Variants in PDE10A observed in about 807,000 individuals in gnomAD.
PDE10A encodes the protein cAMP and cAMP-inhibited cGMP 3',5'-cyclic phosphodiesterase 10A.
A neutral mutation model predicts 97.7 loss-of-function variants in PDE10A; 39 were observed. The ratio of observed to expected loss-of-function variants is 0.40; its 90% CI spans 0.31 to 0.52. PDE10A has a LOEUF of 0.52. Ranked by LOEUF, PDE10A falls within the 20% of genes least tolerant of loss-of-function variation. The pLI, the probability that PDE10A is intolerant of heterozygous loss-of-function variation, is 0.56. For synonymous variants in PDE10A, 371 were observed against 376.8 expected (o/e 0.98, Z 0.18); for missense variants, 731 against 1,047.8 (o/e 0.70, Z 4.17).
intron 1 of PDE10A, among the ~76,000 whole-genome samples, chr6:165,773,911 CAT>C (rs1483251134): frequency 2.0e-5 from 3 of 152,016 alleles, no homozygotes; most frequent in Non-Finnish European, 4.4e-5. Flanking sequence ...TTACAACTAT[CAT>C]ATGATTCAAA....
chr6:165,697,477 T>A (rs1191793946), intron 1 of PDE10A, among the ~76,000 whole-genome samples: 1 of 152,212 alleles, frequency 6.6e-6, no homozygotes, highest in Non-Finnish European at 1.5e-5. Flanking sequence ...CTGACCTGTC[T>A]TATGAAAAAT....
rs548596293 is a variant in PDE10A at position 165,655,201 on chromosome 6, G to A, written c.865+6746C>T. ...AATGTCACTGAGGCATCTATATACT[G>A]TCCTTGGGGCATCCAATCCCATGAT... On this transcript the variant is annotated intron_variant, in intron 1 of 21. Coordinates refer to ENST00000539869, the MANE Select transcript of PDE10A (RefSeq NM_001385079.1). This position sits in a 1 kb window ranked among gnomAD's most constrained non-coding sequence, Gnocchi z 4.5. Among the ~76,000 whole-genome samples the A allele has an allele frequency of 0.35, 187 of 534 alleles. No homozygotes were observed. The highest frequency in any genetic ancestry group is 0.47 in the African/African-American group (180 of 386). 0.4% of individuals were successfully genotyped at this position (534 alleles called of 152,430 possible).
chr6:165,619,499 C>CTAGTG (rs1266478217), intron 1 of PDE10A, among the ~76,000 whole-genome samples: 2 of 17,018 alleles, frequency 1.2e-4, no homozygotes, highest in African/African-American at 4.0e-4. Flanking sequence ...CTAGTGTAGT[C>CTAGTG]TAGTGTAGTG....
At chr6:165,696,181 C>T (rs1392498329) in intron 1 of PDE10A, among the ~76,000 whole-genome samples, 1 of 152,166 alleles carries the variant, frequency 6.6e-6, no homozygotes, top group Non-Finnish European at 1.5e-5. Context: ...CAATAAGAAG[C>T]CCCGGGGAGA....
intron 1 of PDE10A, among the ~76,000 whole-genome samples, chr6:165,636,732 G>C (rs1392579764): frequency 6.6e-6 from 1 of 152,242 alleles, no homozygotes; most frequent in Non-Finnish European, 1.5e-5. Context: ...CATTTGTGAA[G>C]TACTAATTGG....
intron 1 of PDE10A, among the ~76,000 whole-genome samples, chr6:165,559,142 T>C (rs2128336292): frequency 6.6e-6 from 1 of 152,310 alleles, no homozygotes; most frequent in Non-Finnish European, 1.5e-5. Flanking sequence ...GCAGTTATGC[T>C]AGAACATGAT....
intron 1 of PDE10A, among the ~76,000 whole-genome samples, chr6:165,723,621 A>G (rs915066885): frequency 2.0e-5 from 3 of 152,198 alleles, no homozygotes; most frequent in South Asian, 2.1e-4. Context: ...GTTTTGCCAT[A>G]GCTGCTACCA....
At chr6:165,663,539 G>A (rs1321540238), upstream of PDE10A, among the ~76,000 whole-genome samples, 2 of 152,236 alleles carry the variant, frequency 1.3e-5, no homozygotes, top group Non-Finnish European at 2.9e-5. Flanking sequence ...AATCCTCCTG[G>A]TAGCGGGCCA....
intron 1 of PDE10A, among the ~76,000 whole-genome samples, chr6:165,982,564 T>A (rs1785052636): frequency 6.6e-6 from 1 of 152,158 alleles, no homozygotes; most frequent in Non-Finnish European, 1.5e-5. Context: ...CTAACTACAG[T>A]GTAACTGGAA....
chr6:165,928,398 C>T (rs1783013183), intron 1 of PDE10A, among the ~76,000 whole-genome samples: 1 of 152,198 alleles, frequency 6.6e-6, no homozygotes, highest in Non-Finnish European at 1.5e-5. Flanking sequence ...GGTTTCTGCA[C>T]AACCTGCTGG....
intron 1 of PDE10A, among the ~76,000 whole-genome samples, chr6:165,547,529 C>T (rs1562569861): frequency 6.6e-6 from 1 of 152,114 alleles, no homozygotes; most frequent in Non-Finnish European, 1.5e-5. Flanking sequence ...AGATACACAA[C>T]AAAAGGCATA....
intron 1 of PDE10A, among the ~76,000 whole-genome samples, chr6:165,703,938 G>A (rs1237187225): frequency 6.6e-6 from 1 of 152,214 alleles, no homozygotes; most frequent in Non-Finnish European, 1.5e-5. Flanking sequence ...ATGGAAGGAT[G>A]AGCTGCAGGA....
At chr6:165,935,032 G>A (rs1783277954) in intron 1 of PDE10A, among the ~76,000 whole-genome samples, 1 of 152,210 alleles carries the variant, frequency 6.6e-6, no homozygotes, top group Non-Finnish European at 1.5e-5. Context: ...TACAAAGAAT[G>A]TAGTTATCAG....
At chr6:165,756,281 T>C (rs986552673) in intron 1 of PDE10A, among the ~76,000 whole-genome samples, 15 of 152,322 alleles carry the variant, frequency 9.8e-5, no homozygotes, top group Non-Finnish European at 1.2e-4. Context: ...ATTTCCTATT[T>C]TAAAAAATAC....
chr6:165,368,671 A>T (rs1210436051), intron 18 of PDE10A, among the ~76,000 whole-genome samples: 1 of 152,262 alleles, frequency 6.6e-6, no homozygotes, highest in African/African-American at 2.4e-5. Flanking sequence ...AGTACATTAA[A>T]AAGCAGTGAT....
chr6:165,496,785 C>G (rs1426335356), intron 2 of PDE10A, among the ~76,000 whole-genome samples: 3 of 152,164 alleles, frequency 2.0e-5, no homozygotes, highest in African/African-American at 4.8e-5. Context: ...AAAAAGAGTG[C>G]TAAAATGCTA....
In PDE10A at chr6:165,885,675, G is replaced by T. The variant is rs574447657; in HGVS notation, c.-615+101854C>A. Among the ~76,000 whole-genome samples, 4 of 152,324 alleles carry T rather than the reference G, an allele frequency of 2.6e-5. No individual in the cohort carries two copies. In the South Asian group the frequency reaches 6.2e-4, roughly 24 times the overall value. ...CTGGCTGAAAGGTGGGAGAGGGAAG[G>T]CCTGGTTGTCTAAAGCTCCTGGGCA... On this transcript the variant is annotated intron_variant, in intron 1 of 19. Transcript: ENST00000366882.
At chr6:165,885,905 G>A (rs1295615443) in intron 1 of PDE10A, among the ~76,000 whole-genome samples, 2 of 152,062 alleles carry the variant, frequency 1.3e-5, no homozygotes, top group African/African-American at 2.4e-5. Context: ...GCTAAAGATA[G>A]AGAGACCTTA....
intron 3 of PDE10A, among the ~76,000 whole-genome samples, chr6:165,467,885 G>T (rs221736): frequency 0.77 from 116,451 of 152,096 alleles, 44,933 homozygotes; most frequent in Middle Eastern, 0.89. Flanking sequence ...AGGAAGAGTC[G>T]GCTGATGTGG....
Sources: gnomAD v4.1 joint callset for allele counts (sites outside exome capture counted in the v4.1 genomes callset) on GRCh38, gnomAD v4.1.1 for gene constraint, Gnocchi (gnomAD v3.1) non-coding constraint, MANE v1.5 for transcripts, NCBI Gene and HGNC (gene_info 2026-07-23, HGNC 2026-07-21) for gene names.